The following LIPI variants were observed in gnomAD, a reference collection of about 807,000 sequenced individuals.
LIPI encodes the protein lipase I, also known as lipase member I.
In LIPI, 59 loss-of-function variants were observed where a neutral mutation model predicts 50.6. The observed-to-expected ratio is 1.16, with a 90% CI of 0.94 to 1.45. The LOEUF (loss-of-function observed/expected upper bound fraction) is 1.45, where lower values mean the gene tolerates loss of function less well. Ranked by LOEUF, LIPI falls within the 40% of genes most tolerant of loss-of-function variation. LIPI has a pLI of 0.00. For missense variants in LIPI, 586 were observed against 536.3 expected (o/e 1.09, Z -0.92); for synonymous variants, 203 against 178.2 (o/e 1.14, Z -1.11).
chr21:14,121,816 C>T (rs1020747541), intron 9 of LIPI, among the ~76,000 whole-genome samples: 24 of 152,102 alleles, frequency 1.6e-4, no homozygotes, highest in South Asian at 4.2e-4. Flanking sequence ...ACTGATCTTG[C>T]GGAGGAACCA....
intron 2 of LIPI, among the ~76,000 whole-genome samples, chr21:14,187,800 T>C (rs1250647002): frequency 1.3e-5 from 2 of 152,210 alleles, no homozygotes; most frequent in Non-Finnish European, 2.9e-5. Context: ...TAAGCACATA[T>C]ATATTAATTC....
At chr21:14,155,828 T>G (rs760691262) in intron 7 of LIPI, among the ~76,000 whole-genome samples, 1 of 152,024 alleles carries the variant, frequency 6.6e-6, no homozygotes, top group Non-Finnish European at 1.5e-5. Context: ...CAGAAGTAAT[T>G]TCTTCATACA....
chr21:14,164,019 T>TG (rs1568860249), intron 6 of LIPI, among the ~76,000 whole-genome samples: 1 of 150,466 alleles, frequency 6.6e-6, no homozygotes, highest in African/African-American at 2.4e-5. Flanking sequence ...TACTGTATGT[T>TG]GTGCATATAA....
At chr21:14,144,580 G>T in intron 9 of LIPI, 43 bp downstream of exon 9, 2 of 1,105,752 alleles carry the variant, frequency 1.8e-6, no homozygotes, top group Non-Finnish European at 2.7e-6. Context: ...ATATTTTCAA[G>T]TTTAAAAGAT....
intron 8 of LIPI, among the ~76,000 whole-genome samples, chr21:14,146,136 A>G (rs1449622336): frequency 1.3e-5 from 2 of 152,124 alleles, no homozygotes; most frequent in Non-Finnish European, 1.5e-5. Flanking sequence ...CATGACTACA[A>G]AATCTCTACC....
At chr21:14,126,419 TTAAG>T (rs752010422) in intron 9 of LIPI, among the ~76,000 whole-genome samples, 4 of 152,096 alleles carry the variant, frequency 2.6e-5, no homozygotes, top group African/African-American at 4.8e-5. Flanking sequence ...ATGTATATGG[TTAAG>T]TGAAATAAAC....
chr21:14,203,850 T>TAAA (rs376388419), intron 1 of LIPI, among the ~76,000 whole-genome samples: 2 of 149,942 alleles, frequency 1.3e-5, no homozygotes, highest in East Asian at 1.9e-4. Flanking sequence ...TAAAATATAA[T>TAAA]AAAAAGAGAA....
intron 8 of LIPI, 147 bp downstream of exon 8, chr21:14,152,426 T>C: frequency 3.4e-6 from 2 of 581,808 alleles, no homozygotes; most frequent in Admixed American, 6.3e-5. Flanking sequence ...AATTAGAATA[T>C]AACATATGAG....
At chr21:14,169,469 C>T (rs1276571137) in intron 4 of LIPI, among the ~76,000 whole-genome samples, 1 of 152,126 alleles carries the variant, frequency 6.6e-6, no homozygotes, top group East Asian at 1.9e-4. Flanking sequence ...GGAAGTAAAG[C>T]TCTCCTCAGC....
At chr21:14,109,153 A>C (rs1022581963) in intron 9 of LIPI, 73 bp from the exon 10 acceptor site, 1 of 1,208,508 alleles carries the variant, frequency 8.3e-7, no homozygotes, top group South Asian at 1.2e-5. Context: ...TCCTTCTCTC[A>C]TTAATATTAG....
At chr21:14,175,687 C>G (rs772670303) in intron 4 of LIPI, among the ~76,000 whole-genome samples, 13 of 152,040 alleles carry the variant, frequency 8.6e-5, no homozygotes, top group Non-Finnish European at 1.8e-4. Flanking sequence ...ATGCATACCA[C>G]AAGGAAATAA....
At chr21:14,151,511 CTCTG>C (rs1311361832) in intron 8 of LIPI, among the ~76,000 whole-genome samples, 1 of 152,168 alleles carries the variant, frequency 6.6e-6, no homozygotes, top group African/African-American at 2.4e-5. Flanking sequence ...AGCCAAATTG[CTCTG>C]TCTATCCACA....
chr21:14,206,576 C>A (rs543737578), intron 1 of LIPI, among the ~76,000 whole-genome samples: 1 of 126,370 alleles, frequency 7.9e-6, no homozygotes, highest in East Asian at 2.2e-4. Context: ...AAAGATTTAA[C>A]CCTTTTTTTT....
At position 14,166,361 on chromosome 21, in the gene LIPI, C is replaced by A. The variant is rs866952443; in HGVS notation, c.733+1G>T. ...TTCATTCAAAAATACTGTCAGTATA[C>A]CTGAGAAAATTGATTTAGGACAGCC... is the stretch of plus-strand genomic sequence containing the variant. On this transcript the variant is annotated splice_donor_variant, in intron 5 of 9. Coordinates refer to ENST00000681601, the MANE Select transcript of LIPI (RefSeq NM_001302998.2). LOFTEE classifies it high-confidence loss of function. 6.6e-7 allele frequency: 1 copy of A among 1,505,556 alleles called. No individual in the cohort carries two copies. Among genetic ancestry groups the A allele is most frequent in the South Asian group, 1.1e-5 (1 of 88,748 alleles). 93.3% of individuals were successfully genotyped at this position (1,505,556 alleles called of 1,614,324 possible). A position where few individuals can be genotyped will look rare whatever the true frequency, so the allele number is the denominator to read the frequency against.
At position 14,137,423 on chromosome 21, in the gene LIPI, G is replaced by C. The variant is rs1023060753; in HGVS notation, c.1295+7200C>G. 2.6e-5 allele frequency among the ~76,000 whole-genome samples: 4 copies of C among 152,060 alleles called. No homozygotes were observed. The East Asian group carries it at 7.7e-4, about 29-fold the overall frequency. ...TAAAAAGAATCAAGCAGAAACTCTG[G>C]AGCTAAAAAATGCAGTTGGCACACT... On this transcript the variant is annotated intron_variant, in intron 9 of 9. Coordinates refer to ENST00000681601, the MANE Select transcript of LIPI (RefSeq NM_001302998.2).
chr21:14,198,097 C>A (rs2019924710), intron 1 of LIPI, among the ~76,000 whole-genome samples: 1 of 152,092 alleles, frequency 6.6e-6, no homozygotes, highest in Non-Finnish European at 1.5e-5. Context: ...ACCAGACCTG[C>A]CTTACAAGAG....
chr21:14,127,903 T>G (rs975954982), intron 9 of LIPI, among the ~76,000 whole-genome samples: 3 of 152,086 alleles, frequency 2.0e-5, no homozygotes, highest in Non-Finnish European at 4.4e-5. Flanking sequence ...TATTAACTAT[T>G]TATGATAAAA....
chr21:14,196,227 C>T (rs2019846678), intron 1 of LIPI, among the ~76,000 whole-genome samples: 1 of 149,692 alleles, frequency 6.7e-6, no homozygotes, highest in South Asian at 2.1e-4. Context: ...TAATACTACC[C>T]AGCAATAAAA....
chr21:14,208,795 T>C (rs958724803), intron 1 of LIPI, among the ~76,000 whole-genome samples: 7 of 152,226 alleles, frequency 4.6e-5, no homozygotes, highest in Non-Finnish European at 8.8e-5. Flanking sequence ...CTCATGCCTG[T>C]AATCCCAGCA....
Sources: allele counts gnomAD v4.1 joint callset (sites outside exome capture counted in the v4.1 genomes callset), GRCh38; gene constraint gnomAD v4.1.1; transcripts MANE v1.5; gene names NCBI Gene and HGNC (gene_info 2026-07-23, HGNC 2026-07-21).